The following MTMR12 variants were observed in gnomAD, a reference collection of about 807,000 sequenced individuals.
The protein encoded by MTMR12 is myotubularin related protein 12.
A neutral mutation model predicts 96.7 loss-of-function variants in MTMR12; 33 were observed. That is an observed-to-expected ratio of 0.34 (90% confidence interval 0.26 to 0.46). The LOEUF is 0.46. Ranked by LOEUF, MTMR12 falls within the 20% of genes least tolerant of loss-of-function variation. The pLI is 1.00. For missense variants in MTMR12, 721 were observed against 896.1 expected, an observed-to-expected ratio of 0.80 and a Z score of 2.49; for synonymous variants, 298 against 327.2, an observed-to-expected ratio of 0.91 and a Z score of 0.96.
chr5:32,290,046 G>A (rs1750683071), intron 1 of MTMR12, among the ~76,000 whole-genome samples: 1 of 152,192 alleles, frequency 6.6e-6, no homozygotes, highest in African/African-American at 2.4e-5. Context: ...AGTTGCAGCT[G>A]CTGTACCAAA....
At chr5:32,275,715 G>A (rs182717298) in intron 2 of MTMR12, among the ~76,000 whole-genome samples, 1 of 152,150 alleles carries the variant, frequency 6.6e-6, no homozygotes, top group East Asian at 1.9e-4. Context: ...AATTCAGGAG[G>A]GGGGAGAATA....
intron 7 of MTMR12, among the ~76,000 whole-genome samples, chr5:32,260,971 G>A (rs1249580621): frequency 2.6e-5 from 4 of 151,646 alleles, no homozygotes; most frequent in Admixed American, 6.6e-5. Context: ...AGTGGCTCAC[G>A]CGTGTAATCC....
rs1748098110 is a variant in MTMR12 at position 32,233,757 on chromosome 5, C to T, written c.1674+16G>A. 5.0e-6 allele frequency: 8 copies of T among 1,614,204 alleles called. No individual in the cohort carries two copies. Among genetic ancestry groups the T allele is most frequent in the Middle Eastern group, 1.6e-4 (1 of 6,062 alleles). On this transcript the variant is annotated intron_variant, in intron 15 of 15. Transcript: ENST00000382142. The surrounding 1 kb of genome is among the most constrained non-coding windows in gnomAD (Gnocchi z 5.0). ...TCTGGGCAGCTGAAGGGGGTTTAGA[C>T]ATGTGGACATCTTACTTTGAAGCGC...
chr5:32,307,207 T>C, intron 1 of MTMR12, among the ~76,000 whole-genome samples: 1 of 151,718 alleles, frequency 6.6e-6, no homozygotes, highest in East Asian at 1.9e-4. Flanking sequence ...TTTTCGCTTA[T>C]CTGTACCTTT....
intron 1 of MTMR12, among the ~76,000 whole-genome samples, chr5:32,299,759 TTCC>T (rs1275871764): frequency 6.6e-6 from 1 of 152,158 alleles, no homozygotes. Context: ...TTGGATTCTA[TTCC>T]TCAAGACTTC....
intron 7 of MTMR12, among the ~76,000 whole-genome samples, chr5:32,260,769 T>C (rs1749333660): frequency 6.6e-6 from 1 of 151,390 alleles, no homozygotes; most frequent in African/African-American, 2.4e-5. Context: ...TGATAAATAC[T>C]GAGAGTGATC....
At chr5:32,307,338 A>G (rs1028626212) in intron 1 of MTMR12, among the ~76,000 whole-genome samples, 2 of 152,032 alleles carry the variant, frequency 1.3e-5, no homozygotes, top group Non-Finnish European at 2.9e-5. Context: ...AGAGCTCAGC[A>G]CCCAGCAGGT....
At chr5:32,270,780 T>C (rs1373411933) in intron 5 of MTMR12, 37 bp downstream of exon 5, 1 of 1,569,890 alleles carries the variant, frequency 6.4e-7, no homozygotes, top group African/African-American at 1.4e-5. Flanking sequence ...GAAAACCTGA[T>C]GGGAAATAAA....
At chr5:32,280,845 G>A (rs888703656) in intron 1 of MTMR12, among the ~76,000 whole-genome samples, 7 of 152,190 alleles carry the variant, frequency 4.6e-5, no homozygotes, top group African/African-American at 1.7e-4. Flanking sequence ...ACATAACTTC[G>A]GTGACACAGG....
At chr5:32,246,091 T>C (rs535768558) in intron 10 of MTMR12, among the ~76,000 whole-genome samples, 246 of 152,290 alleles carry the variant, frequency 1.6e-3, no homozygotes, top group African/African-American at 5.7e-3. Flanking sequence ...ATCCCACTTA[T>C]TTAAAATTTC....
Position 32,271,838 on chromosome 5 carries a change from T to C in MTMR12, c.353A>G (p.Tyr118Cys). ...AGGGAAAAACAGATACTTACCTCCA[T>C]AAATCTGATCAACACAGTGGAGTGT... Reference protein sequence around the residue: ...DITLHCVDQIYGVFDEKKKTL... With the variant: ...DITLHCVDQICGVFDEKKKTL... The change falls in exon 4 of 16, where the codon TAT becomes TGT. Residue 118 changes from tyrosine (Y) to cysteine (C), a missense_variant. By Grantham distance (194) the Tyr-to-Cys change is radical (BLOSUM62 -2). Coordinates refer to ENST00000382142, the MANE Select transcript of MTMR12 (RefSeq NM_001040446.3). 1.3e-6 allele frequency: 2 copies of C among 1,570,056 alleles called. No individual in the cohort carries two copies. Among genetic ancestry groups the C allele is most frequent in the South Asian group, 1.2e-5 (1 of 86,214 alleles).
intron 1 of MTMR12, among the ~76,000 whole-genome samples, chr5:32,301,438 G>A (rs1354729640): frequency 1.3e-5 from 2 of 152,164 alleles, no homozygotes; most frequent in Admixed American, 6.5e-5. Context: ...AAATATTCAC[G>A]GGGAGACCAA....
chr5:32,296,824 C>T (rs1287230629), intron 1 of MTMR12, among the ~76,000 whole-genome samples: 10 of 148,976 alleles, frequency 6.7e-5, no homozygotes, highest in Admixed American at 3.4e-4. Flanking sequence ...AAAAAGTGGC[C>T]GGGCGCGGTG....
chr5:32,236,926 T>C (rs1380621290), intron 13 of MTMR12, among the ~76,000 whole-genome samples: 4 of 152,220 alleles, frequency 2.6e-5, no homozygotes. Context: ...TCCCATGTTA[T>C]GTAAATGCCA....
intron 1 of MTMR12, among the ~76,000 whole-genome samples, chr5:32,305,399 T>TA (rs1561817558): frequency 6.6e-6 from 1 of 152,056 alleles, no homozygotes; most frequent in South Asian, 2.1e-4. Flanking sequence ...TATGAATTCT[T>TA]AAAAAAAGAA....
chr5:32,304,840 T>C (rs958111288), intron 1 of MTMR12, among the ~76,000 whole-genome samples: 2 of 152,086 alleles, frequency 1.3e-5, no homozygotes, highest in Non-Finnish European at 2.9e-5. Flanking sequence ...AGAAGTTGTG[T>C]GGTGTTGGAT....
chr5:32,278,870 G>A (rs1471873934), intron 1 of MTMR12, among the ~76,000 whole-genome samples: 1 of 151,816 alleles, frequency 6.6e-6, no homozygotes, highest in Non-Finnish European at 1.5e-5. Context: ...CTGAGGTCAG[G>A]AGTTCCAGAC....
chr5:32,229,551 G>C lies in MTMR12; in HGVS notation c.*227C>G. 1 of 400,584 alleles carries C rather than the reference G, an allele frequency of 2.5e-6. No homozygotes were observed. The highest frequency in any genetic ancestry group is 4.3e-6 in the Non-Finnish European group (1 of 231,346). The allele number at this position is 400,584 out of a possible 1,614,324, so 24.8% of individuals were successfully genotyped here. On this transcript the variant is annotated 3_prime_UTR_variant, in exon 16 of 16. Transcript: ENST00000382142. ...CGGCCACAACCCTATTACGGGTCAA[G>C]TAATAATTCCTTCCAATTAGTAATA...
intron 12 of MTMR12, 105 bp downstream of exon 12, chr5:32,241,952 A>T: frequency 1.1e-6 from 1 of 902,630 alleles, no homozygotes; most frequent in Non-Finnish European, 1.7e-6. Flanking sequence ...GGATTTCTAC[A>T]CTAACTCACT....
Sources: allele counts gnomAD v4.1 joint callset (sites outside exome capture counted in the v4.1 genomes callset), GRCh38; gene constraint gnomAD v4.1.1; non-coding constraint Gnocchi (gnomAD v3.1); transcripts MANE v1.5; gene names NCBI Gene and HGNC (gene_info 2026-07-23, HGNC 2026-07-21).